The following AFAP1L1 variants were observed in gnomAD, a reference collection of about 807,000 sequenced individuals.
AFAP1L1 encodes the protein actin filament associated protein 1 like 1, also known as actin filament-associated protein 1-like 1.
AFAP1L1 carries 77 observed loss-of-function variants against 99.8 expected under a neutral mutation model. The ratio of observed to expected loss-of-function variants is 0.77; its 90% CI spans 0.64 to 0.93. AFAP1L1 has a LOEUF of 0.93. Ranked by LOEUF, AFAP1L1 falls within the 40% of genes least tolerant of loss-of-function variation. The pLI, the probability that AFAP1L1 is intolerant of heterozygous loss-of-function variation, is 0.00. For synonymous variants in AFAP1L1, 373 were observed against 395.3 expected (o/e 0.94, Z 0.67); for missense variants, 893 against 996.8 (o/e 0.90, Z 1.40).
At position 149,309,987 on chromosome 5, in the gene AFAP1L1, A is replaced by C; in HGVS notation, c.779A>C (p.His260Pro). 1 of 1,614,172 alleles carries C rather than the reference A, an allele frequency of 6.2e-7. No homozygotes were observed. The highest frequency in any genetic ancestry group is 8.5e-7 in the Non-Finnish European group (1 of 1,180,020). The change falls in exon 8 of 19, where the codon CAT (histidine) becomes CCT (proline). Residue 260 changes from histidine to proline, a missense_variant. Coordinates refer to ENST00000296721, the MANE Select transcript of AFAP1L1 (RefSeq NM_152406.4). ...AAAAGCTCCAAGGATCGGCAGCCAC[A>C]TCTGAGGTTGGCACTGGATACCTGC... Reference protein sequence around the residue: ...CYKSSKDRQPHLRLALDTCSI... With the variant: ...CYKSSKDRQPPLRLALDTCSI...
chr5:149,329,627 T>G, intron 15 of AFAP1L1, 39 bp from the exon 16 acceptor site: 2 of 1,575,856 alleles, frequency 1.3e-6, no homozygotes, highest in Non-Finnish European at 1.7e-6. Flanking sequence ...TTGCCAGAGG[T>G]CAGAACTGAG....
chr5:149,325,428 G>A (rs1757069525), intron 15 of AFAP1L1, among the ~76,000 whole-genome samples: 2 of 152,222 alleles, frequency 1.3e-5, no homozygotes, highest in South Asian at 4.1e-4. Flanking sequence ...TAAATTCTAG[G>A]TGATTGCAGC....
intron 1 of AFAP1L1, among the ~76,000 whole-genome samples, chr5:149,285,089 C>T (rs1433886266): frequency 6.6e-6 from 1 of 152,248 alleles, no homozygotes; most frequent in Admixed American, 6.5e-5. Flanking sequence ...GGAATCACCC[C>T]GGGGTCTCCT....
chr5:149,297,276 C>G (rs1452820569), intron 1 of AFAP1L1, among the ~76,000 whole-genome samples: 1 of 152,114 alleles, frequency 6.6e-6, no homozygotes, highest in East Asian at 1.9e-4. Flanking sequence ...CTGGAGGCAG[C>G]AGGACCTCCA....
intron 1 of AFAP1L1, among the ~76,000 whole-genome samples, chr5:149,291,640 C>T (rs1055395307): frequency 4.0e-5 from 6 of 150,804 alleles, no homozygotes; most frequent in Admixed American, 3.3e-4. Context: ...ACTGAGCTCA[C>T]ATCTGATCAG....
intron 1 of AFAP1L1, among the ~76,000 whole-genome samples, chr5:149,287,010 G>A (rs1219840632): frequency 6.6e-6 from 1 of 152,292 alleles, no homozygotes; most frequent in East Asian, 1.9e-4. Flanking sequence ...TCAGTTTCCT[G>A]TCAGTAAAAC....
At position 149,340,458 on chromosome 5, in the gene AFAP1L1, A is replaced by G. The variant is rs1401694117; in HGVS notation, c.*428A>G. On this transcript the variant is annotated 3_prime_UTR_variant, in exon 19 of 19. Transcript: ENST00000296721. ...ATTGGTGGTGCAGTGTAAAGAGACA[A>G]GACCTGATCATCTGATCACACTTGT... The G allele has an allele frequency of 1.2e-5, 2 of 168,636 alleles. No homozygotes were observed. The highest frequency in any genetic ancestry group is 3.1e-4 in the East Asian group (2 of 6,458). The allele number at this position is 168,636 out of a possible 1,614,324, so 10.4% of individuals were successfully genotyped here. A position where few individuals can be genotyped will look rare whatever the true frequency, so the allele number is the denominator to read the frequency against.
intron 16 of AFAP1L1, among the ~76,000 whole-genome samples, chr5:149,331,576 C>T (rs930762072): frequency 9.3e-5 from 14 of 151,246 alleles, no homozygotes; most frequent in South Asian, 2.1e-4. Context: ...GCCAAGATCA[C>T]GCCACTGCAC....
chr5:149,301,504 G>A (rs535156421), intron 4 of AFAP1L1, among the ~76,000 whole-genome samples: 1 of 152,270 alleles, frequency 6.6e-6, no homozygotes, highest in South Asian at 2.1e-4. Flanking sequence ...TGAGCAGGGA[G>A]AATGTGGTGA....
Position 149,320,504 on chromosome 5 carries a change from A to G in AFAP1L1, c.1698+41A>G. 3.2e-6 allele frequency: 5 copies of G among 1,563,170 alleles called. No homozygotes were observed. The highest frequency in any genetic ancestry group is 4.4e-6 in the Non-Finnish European group (5 of 1,134,000). On this transcript the variant is annotated intron_variant, in intron 14 of 18. Transcript: ENST00000296721. This position sits in a 1 kb window ranked among gnomAD's most constrained non-coding sequence, Gnocchi z 4.0. ...GCTGCCCAGGAATGTGGCAAAGGCCACTTATTAGCTCTCCCTCTTTCTGCT... is the reference window on the plus strand; with the variant it reads ...GCTGCCCAGGAATGTGGCAAAGGCCGCTTATTAGCTCTCCCTCTTTCTGCT...
rs1176242026 is a variant in AFAP1L1 at position 149,342,179 on chromosome 5, T to C, written c.*2149T>C. 6.6e-6 allele frequency among the ~76,000 whole-genome samples: 1 copy of C among 152,160 alleles called. No homozygotes were observed. Among genetic ancestry groups the C allele is most frequent in the African/African-American group, 2.4e-5 (1 of 41,440 alleles). ...TTCTTAATCATATTTGAACAAGGAG[T>C]TCTGCTTTTCCTTTTGCCCTTTAAA... On this transcript the variant is annotated 3_prime_UTR_variant, in exon 19 of 19. Coordinates refer to ENST00000296721, the MANE Select transcript of AFAP1L1 (RefSeq NM_152406.4).
At chr5:149,319,441 T>C in intron 12 of AFAP1L1, 141 bp from the exon 13 acceptor site, 1 of 952,038 alleles carries the variant, frequency 1.1e-6, no homozygotes, top group Non-Finnish European at 1.5e-6. Flanking sequence ...GGATGTGTGC[T>C]ATAATCTTAT....
intron 9 of AFAP1L1, among the ~76,000 whole-genome samples, chr5:149,312,861 T>A (rs1756679667): frequency 6.7e-6 from 1 of 149,982 alleles, no homozygotes; most frequent in Non-Finnish European, 1.5e-5. Flanking sequence ...GCGCAGTGGC[T>A]CACGCCTGTA....
intron 16 of AFAP1L1, 51 bp from the exon 17 acceptor site, chr5:149,332,644 T>C (rs779392094): frequency 6.4e-7 from 1 of 1,570,644 alleles, no homozygotes; most frequent in Non-Finnish European, 8.6e-7. Context: ...CCAGATTCCC[T>C]GACATTTCAG....
intron 18 of AFAP1L1, among the ~76,000 whole-genome samples, chr5:149,336,138 T>A (rs548198793): frequency 3.2e-4 from 48 of 152,332 alleles, no homozygotes; most frequent in African/African-American, 1.1e-3. Context: ...CCCTTCTGTG[T>A]GACTCTTGGG....
At chr5:149,287,451 A>T (rs967482331) in intron 1 of AFAP1L1, among the ~76,000 whole-genome samples, 2 of 152,116 alleles carry the variant, frequency 1.3e-5, no homozygotes, top group African/African-American at 4.8e-5. Context: ...GTGTGTGCTT[A>T]CTCCATTATC....
rs560139653 is a variant in AFAP1L1, at chr5:149,291,396, G to A, written c.17-8113G>A. 1.1e-4 allele frequency among the ~76,000 whole-genome samples: 16 copies of A among 151,644 alleles called. 1 individual carries two copies. The East Asian group carries it at 2.5e-3, about 24-fold the overall frequency. On this transcript the variant is annotated intron_variant, in intron 1 of 18. Transcript: ENST00000296721. ...ACAAAACTTAGTTGGGCATGGTGGCGCACACCTGTAGTCCCAGCTACTCGG... is the reference window on the plus strand; with the variant it reads ...ACAAAACTTAGTTGGGCATGGTGGCACACACCTGTAGTCCCAGCTACTCGG...
chr5:149,309,990 T>G lies in AFAP1L1; in HGVS notation c.782T>G (p.Leu261Arg). The G allele has an allele frequency of 6.2e-7, 1 of 1,614,184 alleles. No individual in the cohort carries two copies. Among genetic ancestry groups the G allele is most frequent in the African/African-American group, 1.3e-5 (1 of 75,038 alleles). Reference sequence around the variant, plus strand: ...AGCTCCAAGGATCGGCAGCCACATCTGAGGTTGGCACTGGATACCTGCAGC... The same window carrying G: ...AGCTCCAAGGATCGGCAGCCACATCGGAGGTTGGCACTGGATACCTGCAGC... ...YKSSKDRQPH[L>R]RLALDTCSII... is the part of the protein sequence containing the mutation. The change falls in exon 8 of 19, where the codon CTG becomes CGG. Residue 261 changes from leucine to arginine, a missense_variant. Transcript: ENST00000296721.
At position 149,315,849 on chromosome 5, in the gene AFAP1L1, A is replaced by G; in HGVS notation, c.1049A>G (p.Asp350Gly). The G allele has an allele frequency of 1.2e-6, 2 of 1,614,104 alleles. No individual in the cohort carries two copies. Among genetic ancestry groups the G allele is most frequent in the Non-Finnish European group, 8.5e-7 (1 of 1,180,022 alleles). The stretch of plus-strand genomic sequence containing the variant: ...CTGTCCCAAGAGAAGCAGACCTCAG[A>G]TTCTGACAGCGTGGGTGTGGGTGAC... ...KRLSQEKQTSDSDSVGVGDNC... is the reference protein window; with the variant it reads ...KRLSQEKQTSGSDSVGVGDNC... The change falls in exon 10 of 19, where the codon GAT becomes GGT. Residue 350 changes from aspartate (D) to glycine (G), a missense_variant. Asp to Gly is a moderately conservative substitution (Grantham distance 94, BLOSUM62 -1). Coordinates refer to ENST00000296721, the MANE Select transcript of AFAP1L1 (RefSeq NM_152406.4).
Sources: gnomAD v4.1 joint callset for allele counts (sites outside exome capture counted in the v4.1 genomes callset) on GRCh38, gnomAD v4.1.1 for gene constraint, Gnocchi (gnomAD v3.1) non-coding constraint, MANE v1.5 for transcripts, NCBI Gene and HGNC (gene_info 2026-07-23, HGNC 2026-07-21) for gene names.